Variants in ARFGEF2 observed in about 807,000 individuals in gnomAD.
ARFGEF2 encodes brefeldin A-inhibited guanine nucleotide-exchange protein 2.
In ARFGEF2, 74 loss-of-function variants were observed where a neutral mutation model predicts 219.9. The ratio of observed to expected loss-of-function variants is 0.34; its 90% confidence interval spans 0.28 to 0.41. The LOEUF (loss-of-function observed/expected upper bound fraction) is 0.41. Ranked by LOEUF, ARFGEF2 falls within the 10% of genes least tolerant of loss-of-function variation. ARFGEF2 has a pLI of 1.00. For missense variants in ARFGEF2, 1,743 were observed against 2,218.3 expected, an observed-to-expected ratio of 0.79 and a Z score of 4.30; for synonymous variants, 733 against 799.2, an observed-to-expected ratio of 0.92 and a Z score of 1.40.
rs1363266940 is a variant in ARFGEF2 at position 49,034,535 on chromosome 20, T to A, written c.*1336T>A. On this transcript the variant is annotated 3_prime_UTR_variant, in exon 39 of 39. Transcript: ENST00000371917. Reference sequence around the variant, plus strand: ...GAAGGAGCACACACGCCTCATTCTCTGCCCTCACCCACTGCTCACCTAGAG... The same window carrying A: ...GAAGGAGCACACACGCCTCATTCTCAGCCCTCACCCACTGCTCACCTAGAG... The A allele has an allele frequency of 6.6e-6, 1 of 152,208 alleles. No individual in the cohort carries two copies. The highest frequency in any genetic ancestry group is 2.4e-5 in the African/African-American group (1 of 41,464). The allele number at this position is 152,208 out of a possible 1,614,324, so 9.4% of individuals were successfully genotyped here. A position where few individuals can be genotyped will look rare whatever the true frequency, so the allele number is the denominator to read the frequency against.
chr20:48,973,361 C>T, intron 12 of ARFGEF2, 77 bp downstream of exon 12: 1 of 1,473,244 alleles, frequency 6.8e-7, no homozygotes. Context: ...CACCACATGC[C>T]AGGCACTGTC....
chr20:48,933,566 C>G (rs1216989445), intron 1 of ARFGEF2, among the ~76,000 whole-genome samples: 1 of 152,162 alleles, frequency 6.6e-6, no homozygotes, highest in Non-Finnish European at 1.5e-5. Context: ...CACTCATTCT[C>G]CTTTTCCCTT....
At chr20:49,008,284 C>T (rs922014957) in intron 26 of ARFGEF2, among the ~76,000 whole-genome samples, 1 of 152,094 alleles carries the variant, frequency 6.6e-6, no homozygotes, top group African/African-American at 2.4e-5. Flanking sequence ...AATGTTTGGC[C>T]GGGTGTGGTG....
intron 1 of ARFGEF2, among the ~76,000 whole-genome samples, chr20:48,932,292 A>T (rs1163563997): frequency 6.6e-6 from 1 of 152,060 alleles, no homozygotes; most frequent in Admixed American, 6.6e-5. Context: ...GTAGGAGGCC[A>T]CTCCATTGGT....
At chr20:48,947,220 G>A (rs1326540242) in intron 3 of ARFGEF2, among the ~76,000 whole-genome samples, 1 of 151,558 alleles carries the variant, frequency 6.6e-6, no homozygotes. Context: ...GCAACATGGT[G>A]AGACCCCATC....
Position 49,017,340 on chromosome 20 carries a change from A to T in ARFGEF2, c.4407A>T (p.Glu1469Asp). The change falls in exon 32 of 39, where the codon GAA becomes GAT. Residue 1469 changes from glutamate to aspartate, a missense_variant. This residue lies in a region of ARFGEF2 where 578 missense variants were observed against 664.0 expected (regional missense o/e 0.87). Coordinates refer to ENST00000371917, the MANE Select transcript of ARFGEF2 (RefSeq NM_006420.3). The part of the protein sequence containing the change: ...GEKFSPEVWD[E>D]TCNCMLDIFK... ...AATTCAGTCCTGAAGTCTGGGATGAAACCTGCAACTGTATGTTGGATATTT... is the reference window on the plus strand; with the variant it reads ...AATTCAGTCCTGAAGTCTGGGATGATACCTGCAACTGTATGTTGGATATTT... 1 of 1,614,128 alleles carries T rather than the reference A, an allele frequency of 6.2e-7. No individual in the cohort carries two copies. The highest frequency in any genetic ancestry group is 8.5e-7 in the Non-Finnish European group (1 of 1,179,994).
chr20:48,941,262 C>T (rs779981731), intron 2 of ARFGEF2, 33 bp downstream of exon 2: 20 of 1,608,632 alleles, frequency 1.2e-5, no homozygotes, highest in Admixed American at 1.2e-4. Context: ...TGCTGAGATA[C>T]GGCATGAAGG....
chr20:49,023,834 G>A lies in ARFGEF2; in HGVS notation c.4755+653G>A, dbSNP rs1481973170. ...ATTACAGGCGTGAGCCACCGCGCCCGGCCTGATATACAGTTTAATCACAAA... is the reference window on the plus strand; with the variant it reads ...ATTACAGGCGTGAGCCACCGCGCCCAGCCTGATATACAGTTTAATCACAAA... On this transcript the variant is annotated intron_variant, in intron 35 of 38. Transcript: ENST00000371917. Among the ~76,000 whole-genome samples the A allele has an allele frequency of 3.9e-5, 6 of 152,114 alleles. No homozygotes were observed. In the East Asian group the frequency reaches 5.8e-4, roughly 15 times the overall value.
At chr20:48,935,071 G>C (rs1253784864) in intron 1 of ARFGEF2, among the ~76,000 whole-genome samples, 1 of 150,916 alleles carries the variant, frequency 6.6e-6, no homozygotes, top group Admixed American at 6.6e-5. Context: ...ATGGTATCTC[G>C]TTGTGGTTTT....
At position 48,974,118 on chromosome 20, in the gene ARFGEF2, ATTTTTTTTTT is replaced by A. The variant is rs57941437; in HGVS notation, c.1666-632_1666-623del. On this transcript the variant is annotated intron_variant, in intron 12 of 38. Transcript: ENST00000371917. ...CTTGTTATTTATTATTTGAGTGTGA[ATTTTTTTTTT>A]TTTTTTTTTTTTTTTGAGACAGAAT... Among the ~76,000 whole-genome samples the A allele has an allele frequency of 1.9e-4, 13 of 70,070 alleles. 1 individual carries two copies. The highest frequency in any genetic ancestry group is 6.6e-4 in the South Asian group (1 of 1,524). The allele number at this position is 70,070 out of a possible 152,430, so 46.0% of individuals were successfully genotyped here.
chr20:48,957,398 C>T (rs1289053428), intron 6 of ARFGEF2, among the ~76,000 whole-genome samples: 1 of 152,158 alleles, frequency 6.6e-6, no homozygotes. Flanking sequence ...CTCCAGCTGG[C>T]TAGGGAGGGA....
chr20:48,924,793 C>T (rs1206297543), intron 1 of ARFGEF2, among the ~76,000 whole-genome samples: 1 of 152,128 alleles, frequency 6.6e-6, no homozygotes, highest in Admixed American at 6.6e-5. Context: ...CCCTAGACTT[C>T]TGTGTTCAAA....
At position 48,988,650 on chromosome 20, in the gene ARFGEF2, TCTA is replaced by T. The variant is rs1158160877; in HGVS notation, c.2525_2527del (p.Thr842del). ...AAAAGAGCTAACGATTGCAACCAAA[TCTA>T]CTAAGCAGAGTAAGGTCTAATGGCA... On this transcript the variant is annotated inframe_deletion, in exon 18 of 39. Coordinates refer to ENST00000371917, the MANE Select transcript of ARFGEF2 (RefSeq NM_006420.3). The T allele has an allele frequency of 1.9e-6, 3 of 1,613,316 alleles. No homozygotes were observed. Among genetic ancestry groups the T allele is most frequent in the East Asian group, 2.2e-5 (1 of 44,808 alleles).
At position 48,941,904 on chromosome 20, in the gene ARFGEF2, G is replaced by A; in HGVS notation, c.193G>A (p.Ala65Thr). The A allele has an allele frequency of 6.2e-7, 1 of 1,614,192 alleles. No homozygotes were observed. The highest frequency in any genetic ancestry group is 8.5e-7 in the Non-Finnish European group (1 of 1,180,030). The change falls in exon 3 of 39, where the codon GCT (alanine) becomes ACT (threonine). Residue 65 changes from alanine (A) to threonine (T), a missense_variant. Ala to Thr is a moderately conservative substitution (Grantham distance 58, BLOSUM62 0). Around this residue, in one of 5 missense-constraint regions of ARFGEF2, gnomAD observed 394 missense variants for 426.6 expected, o/e 0.92. Transcript: ENST00000371917. ...AAPPKANFIEADKYFLPFELA... is the reference protein window; with the variant it reads ...AAPPKANFIETDKYFLPFELA... ...ACCACCAAAGGCAAACTTCATTGAAGCTGACAAGTATTTTCTTCCATTCGA... is the reference window on the plus strand; with the variant it reads ...ACCACCAAAGGCAAACTTCATTGAAACTGACAAGTATTTTCTTCCATTCGA...
chr20:49,032,277 G>C lies in ARFGEF2; in HGVS notation c.5181+111G>C, dbSNP rs373778453. 3 of 804,710 alleles carry C rather than the reference G, an allele frequency of 3.7e-6. No individual in the cohort carries two copies. The African/African-American group carries it at 5.0e-5, about 14-fold the overall frequency. 49.8% of individuals were successfully genotyped at this position (804,710 alleles called of 1,614,324 possible). A position where few individuals can be genotyped will look rare whatever the true frequency, so the allele number is the denominator to read the frequency against. Reference sequence around the variant, plus strand: ...TCTCAGTTCTCCCAAGGATGGTTACGTGACTAGCACCATTCTAGATGCATT... The same window carrying C: ...TCTCAGTTCTCCCAAGGATGGTTACCTGACTAGCACCATTCTAGATGCATT... On this transcript the variant is annotated intron_variant, in intron 38 of 38. Coordinates refer to ENST00000371917, the MANE Select transcript of ARFGEF2 (RefSeq NM_006420.3).
intron 37 of ARFGEF2, among the ~76,000 whole-genome samples, 157 bp downstream of exon 37, chr20:49,028,825 T>C (rs1338735110): frequency 6.6e-6 from 1 of 152,220 alleles, no homozygotes; most frequent in Non-Finnish European, 1.5e-5. Context: ...TCACTTTTCT[T>C]AATGCCCTGA....
Position 49,034,064 on chromosome 20 carries a change from G to C in ARFGEF2, c.*865G>C, listed in dbSNP as rs941939174. 2 of 152,204 alleles carry C rather than the reference G, an allele frequency of 1.3e-5. No individual in the cohort carries two copies. Among genetic ancestry groups the C allele is most frequent in the African/African-American group, 2.4e-5 (1 of 41,452 alleles). The allele number at this position is 152,204 out of a possible 1,614,324, so 9.4% of individuals were successfully genotyped here. A position where few individuals can be genotyped will look rare whatever the true frequency, so the allele number is the denominator to read the frequency against. On this transcript the variant is annotated 3_prime_UTR_variant, in exon 39 of 39. Transcript: ENST00000371917. Reference sequence around the variant, plus strand: ...TATATGAAGTAGTAATGAAAATGAAGTAGTAATTTAACCAGAGTTCATTTA... The same window carrying C: ...TATATGAAGTAGTAATGAAAATGAACTAGTAATTTAACCAGAGTTCATTTA...
intron 33 of ARFGEF2, among the ~76,000 whole-genome samples, 200 bp from the exon 34 acceptor site, chr20:49,018,684 G>C (rs2091545759): frequency 6.6e-6 from 1 of 152,152 alleles, no homozygotes; most frequent in East Asian, 1.9e-4. Flanking sequence ...AATTTTAATG[G>C]GAGGAGAAGT....
Position 49,011,982 on chromosome 20 carries a change from G to C in ARFGEF2, c.3816G>C (p.Lys1272Asn). The C allele has an allele frequency of 6.2e-7, 1 of 1,614,218 alleles. No homozygotes were observed. Among genetic ancestry groups the C allele is most frequent in the Non-Finnish European group, 8.5e-7 (1 of 1,180,044 alleles). Residue 1272 changes from lysine (K) to asparagine (N), a missense_variant, in exon 28 of 39, where the codon AAG becomes AAC. Lys to Asn is a moderately conservative substitution (Grantham distance 94). Transcript: ENST00000371917. ...TCGATTCCTTTCAGGATGCTGTGAA[G>C]TGCTTATCAGAGTTCGCCTGCAACG... ...AAIDSFQDAVKCLSEFACNAA... is the reference protein window; with the variant it reads ...AAIDSFQDAVNCLSEFACNAA...
Sources: allele counts gnomAD v4.1 joint callset (sites outside exome capture counted in the v4.1 genomes callset), GRCh38; gene constraint gnomAD v4.1.1; regional missense constraint gnomAD v4.1.1; transcripts MANE v1.5; gene names NCBI Gene and HGNC (gene_info 2026-07-23, HGNC 2026-07-21).